The following SPATA21 variants were observed in gnomAD, a reference collection of about 807,000 sequenced individuals.
SPATA21 encodes spermatogenesis-associated protein 21.
Under a neutral mutation model 54.8 loss-of-function variants are expected in SPATA21, and 47 were observed. The observed-to-expected ratio is 0.86, with a 90% CI of 0.68 to 1.09. The LOEUF is 1.09. SPATA21 is among the 50% of genes least tolerant of loss of function. SPATA21 has a pLI of 0.00. For missense variants in SPATA21, 599 were observed against 596.4 expected, an observed-to-expected ratio of 1.00 and a Z score of -0.05; for synonymous variants, 245 against 235.3, an observed-to-expected ratio of 1.04 and a Z score of -0.38.
rs1190006750 is a variant in SPATA21, at chr1:16,410,639, G to A, written c.145-596C>T. On this transcript the variant is annotated intron_variant, in intron 5 of 12. Coordinates refer to ENST00000335496, the MANE Select transcript of SPATA21 (RefSeq NM_198546.1). ...TTGGCCAGGCTGGTCTCCAACTCCT[G>A]ACCTCACATGATTTGCCTGCCTCAG... 1.8e-4 allele frequency: 35 copies of A among 195,658 alleles called. No individual in the cohort carries two copies. The Admixed American group carries it at 2.1e-3, about 12-fold the overall frequency. The allele number at this position is 195,658 out of a possible 1,614,324, so 12.1% of individuals were successfully genotyped here.
At chr1:16,422,238 T>G in intron 3 of SPATA21, 1 of 1,390,336 alleles carries the variant, frequency 7.2e-7, no homozygotes, top group Non-Finnish European at 9.3e-7. Context: ...TCCATCCTCG[T>G]TCCCAGGTGA....
chr1:16,428,124 A>T lies in SPATA21; in HGVS notation c.34+3214T>A, dbSNP rs2086368168. 1 of 1,366,164 alleles carries T rather than the reference A, an allele frequency of 7.3e-7. No individual in the cohort carries two copies. The highest frequency in any genetic ancestry group is 9.8e-7 in the Non-Finnish European group (1 of 1,023,236). 84.6% of individuals were successfully genotyped at this position (1,366,164 alleles called of 1,614,324 possible). On this transcript the variant is annotated intron_variant, in intron 3 of 12. Coordinates refer to ENST00000335496, the MANE Select transcript of SPATA21 (RefSeq NM_198546.1). The surrounding 1 kb of genome is among the most constrained non-coding windows in gnomAD (Gnocchi z 4.3). ...TACTCTTCTGGCCTCAAGGACAGGGAGATCCTGTGCCTGATTGGGGAAGCT... is the reference window on the plus strand; with the variant it reads ...TACTCTTCTGGCCTCAAGGACAGGGTGATCCTGTGCCTGATTGGGGAAGCT...
Position 16,400,857 on chromosome 1 carries a change from T to C in SPATA21, c.1037A>G (p.Lys346Arg). The C allele has an allele frequency of 6.2e-7, 1 of 1,613,592 alleles. No individual in the cohort carries two copies. Among genetic ancestry groups the C allele is most frequent in the Non-Finnish European group, 8.5e-7 (1 of 1,179,776 alleles). The change falls in exon 11 of 13, where the codon AAG becomes AGG. Residue 346 changes from lysine to arginine, a missense_variant. Physicochemically the swap from Lys to Arg is conservative, Grantham distance 26 (BLOSUM62 2). Transcript: ENST00000335496. ...TACGGCCGCTTCCATCTCCTGGGCC[T>C]TGCAGGTGCCTTCCTTCAGCTTTTT... ...YQKKLKEGTCKAQEMEAAVGR... is the reference protein window; with the variant it reads ...YQKKLKEGTCRAQEMEAAVGR...
chr1:16,402,152 C>T (rs747377000), intron 10 of SPATA21, among the ~76,000 whole-genome samples: 16 of 147,416 alleles, frequency 1.1e-4, no homozygotes, highest in African/African-American at 1.7e-4. Flanking sequence ...CCAGAAGTGT[C>T]GGGGAGTTAA....
chr1:16,399,564 C>G, intron 11 of SPATA21, 43 bp from the exon 12 acceptor site: 1 of 1,587,486 alleles, frequency 6.3e-7, no homozygotes, highest in Non-Finnish European at 8.6e-7. Context: ...TCACAGCATG[C>G]CCAGCCTTGG....
Position 16,421,611 on chromosome 1 carries a change from C to T in SPATA21, c.96-54G>A, listed in dbSNP as rs554487636. 2.6e-6 allele frequency: 4 copies of T among 1,536,160 alleles called. No individual in the cohort carries two copies. Among genetic ancestry groups the T allele is most frequent in the East Asian group, 2.3e-5 (1 of 43,152 alleles). ...GGAAGCGCTCAGCTGAAGGTTTGCCCCCCTGCCCTCCCCTCTCAGCCCCCA... is the reference window on the plus strand; with the variant it reads ...GGAAGCGCTCAGCTGAAGGTTTGCCTCCCTGCCCTCCCCTCTCAGCCCCCA... On this transcript the variant is annotated intron_variant, in intron 4 of 12. Transcript: ENST00000335496. This position sits in a 1 kb window ranked among gnomAD's most constrained non-coding sequence, Gnocchi z 5.2.
Position 16,404,020 on chromosome 1 carries a change from G to A in SPATA21, c.831C>T (p.Phe277=), listed in dbSNP as rs890733792. ...ADVNGDGRVD[F]KDFLAVMTDT... ...CTGTCATCACAGCCAAGAAGTCTTT[G>A]AAGTCCACACGACCATCTCCTGTGG... The change falls in exon 9 of 13, where the codon TTC becomes TTT. Residue 277 remains phenylalanine, a synonymous_variant. Transcript: ENST00000335496. The A allele has an allele frequency of 1.1e-5, 17 of 1,556,940 alleles. No individual in the cohort carries two copies. The highest frequency in any genetic ancestry group is 1.4e-5 in the Non-Finnish European group (16 of 1,149,744).
downstream of SPATA21, chr1:16,398,590 A>T: frequency 3.0e-6 from 2 of 677,074 alleles, no homozygotes; most frequent in Non-Finnish European, 5.1e-6. Context: ...CTGAGAGCCC[A>T]GTGGTGGCTG....
intron 5 of SPATA21, chr1:16,410,929 A>G: frequency 4.2e-6 from 1 of 240,432 alleles, no homozygotes; most frequent in Non-Finnish European, 8.7e-6. Context: ...ACCAGAAGGT[A>G]AGCATTATGA....
At chr1:16,435,622 C>G (rs1480686223) in intron 1 of SPATA21, among the ~76,000 whole-genome samples, 1 of 144,730 alleles carries the variant, frequency 6.9e-6, no homozygotes, top group African/African-American at 2.5e-5. Flanking sequence ...CGGCCCCCCC[C>G]TTTTTTTTTT....
At position 16,426,575 on chromosome 1, in the gene SPATA21, ATATATTTT is replaced by A. The variant is rs1374782968; in HGVS notation, c.35-4612_35-4605del. Among the ~76,000 whole-genome samples the A allele has an allele frequency of 8.5e-3, 1,000 of 117,808 alleles. 13 individuals carry two copies. Among genetic ancestry groups the A allele is most frequent in the African/African-American group, 0.03 (910 of 30,192 alleles). The allele number at this position is 117,808 out of a possible 152,430, so 77.3% of individuals were successfully genotyped here. ...TGCCCGGCTATATATATATATATAT[ATATATTTT>A]TTTTTTTTTTTTTTGAGACAGAATT... On this transcript the variant is annotated intron_variant, in intron 3 of 12. Transcript: ENST00000335496.
rs1383285467 is a variant in SPATA21 at position 16,409,581 on chromosome 1, T to C, written c.587+20A>G. The stretch of plus-strand genomic sequence containing the variant: ...TTGGGGCCTTTCAGGAGCGGGCGGG[T>C]GAGCAGCGGGGGCTCCTACCGCGCC... On this transcript the variant is annotated intron_variant, in intron 6 of 12. Transcript: ENST00000335496. This position sits in a 1 kb window ranked among gnomAD's most constrained non-coding sequence, Gnocchi z 4.1. The C allele has an allele frequency of 4.4e-6, 7 of 1,598,802 alleles. No individual in the cohort carries two copies. Among genetic ancestry groups the C allele is most frequent in the Admixed American group, 1.7e-5 (1 of 58,152 alleles).
chr1:16,421,395 G>T lies in SPATA21; in HGVS notation c.144+114C>A. The stretch of plus-strand genomic sequence containing the variant: ...CAGCCACACACACCTTCCTTGGTTT[G>T]ACTCCAAATAGGGGTTTGACGTGCC... On this transcript the variant is annotated intron_variant, in intron 5 of 12. Transcript: ENST00000335496. The surrounding 1 kb of genome is among the most constrained non-coding windows in gnomAD (Gnocchi z 5.2). 1.9e-6 allele frequency: 2 copies of T among 1,049,642 alleles called. No homozygotes were observed. The highest frequency in any genetic ancestry group is 2.8e-6 in the Non-Finnish European group (2 of 724,994). The allele number at this position is 1,049,642 out of a possible 1,614,324, so 65.0% of individuals were successfully genotyped here. A position where few individuals can be genotyped will look rare whatever the true frequency, so the allele number is the denominator to read the frequency against.
In SPATA21 at chr1:16,409,664, C is replaced by T. The variant is rs746151410; in HGVS notation, c.524G>A (p.Gly175Asp). 1.5e-5 allele frequency: 25 copies of T among 1,613,404 alleles called. No individual in the cohort carries two copies. The highest frequency in any genetic ancestry group is 2.1e-5 in the Non-Finnish European group (25 of 1,179,994). ...PVLLGPALDL[G>D]WRRMELLHQS... is the part of the protein sequence containing the mutation. ...GTGCAAGAGTTCCATCCTTCTCCAGCCCAGGTCCAGGGCAGGGCCCAGCAG... is the reference window on the plus strand; with the variant it reads ...GTGCAAGAGTTCCATCCTTCTCCAGTCCAGGTCCAGGGCAGGGCCCAGCAG... The change falls in exon 6 of 13, where the codon GGC becomes GAC. Residue 175 changes from glycine (G) to aspartate (D), a missense_variant. Gly to Asp is a moderately conservative substitution (Grantham distance 94). Transcript: ENST00000335496. The surrounding 1 kb of genome is among the most constrained non-coding windows in gnomAD (Gnocchi z 4.1).
chr1:16,422,233 C>T lies in SPATA21; in HGVS notation c.35-262G>A, dbSNP rs186408376. The T allele has an allele frequency of 1.1e-5, 15 of 1,401,548 alleles. No homozygotes were observed. The African/African-American group carries it at 1.9e-4, about 18-fold the overall frequency. 86.8% of individuals were successfully genotyped at this position (1,401,548 alleles called of 1,614,324 possible). ...GGACACCACGGCTGGGGAGCTCCAT[C>T]CTCGTTCCCAGGTGAACCTCAATGC... is the stretch of plus-strand genomic sequence containing the variant. On this transcript the variant is annotated intron_variant, in intron 3 of 12. Coordinates refer to ENST00000335496, the MANE Select transcript of SPATA21 (RefSeq NM_198546.1).
chr1:16,410,761 G>A (rs1290378110), intron 5 of SPATA21: 1 of 341,590 alleles, frequency 2.9e-6, no homozygotes, highest in East Asian at 1.1e-4. Context: ...TGCCCAGGCT[G>A]GTCTGGAACT....
intron 2 of SPATA21, 35 bp from the exon 3 acceptor site, chr1:16,431,457 C>T (rs1216885401): frequency 7.6e-6 from 12 of 1,578,348 alleles, no homozygotes; most frequent in Non-Finnish European, 9.5e-6. Context: ...TCCCACCAAG[C>T]CCATCACCTA....
At chr1:16,400,563 C>T in intron 11 of SPATA21, 157 bp downstream of exon 11, 3 of 1,450,290 alleles carry the variant, frequency 2.1e-6, no homozygotes, top group Non-Finnish European at 2.7e-6. Context: ...TAGTGATTAT[C>T]AGCCTGTTTT....
chr1:16,400,494 TAAGGCAGGAGGGGAGGAGTCC>T, intron 11 of SPATA21: 1 of 1,308,764 alleles, frequency 7.6e-7, no homozygotes, highest in South Asian at 2.0e-5. Flanking sequence ...GTGCTCAGGC[TAAGGCAGGAGGGGAGGAGTCC>T]AACGCAGGAG....
Sources: allele counts gnomAD v4.1 joint callset (sites outside exome capture counted in the v4.1 genomes callset), GRCh38; gene constraint gnomAD v4.1.1; non-coding constraint Gnocchi (gnomAD v3.1); transcripts MANE v1.5; gene names NCBI Gene and HGNC (gene_info 2026-07-23, HGNC 2026-07-21).